SLC16A2: variants seen among roughly 807,000 people sequenced by gnomAD.
SLC16A2 encodes solute carrier family 16 member 2, also known as monocarboxylate transporter 8.
In SLC16A2, 3 loss-of-function variants were observed where a neutral mutation model predicts 27.2. The ratio of observed to expected loss-of-function variants is 0.11; its 90% CI spans 0.05 to 0.28. SLC16A2 has a LOEUF of 0.28. Ranked by LOEUF, SLC16A2 falls within the 10% of genes least tolerant of loss-of-function variation. The pLI, the probability that SLC16A2 is intolerant of heterozygous loss-of-function variation, is 1.00. For synonymous variants in SLC16A2, 202 were observed against 187.8 expected, an observed-to-expected ratio of 1.08 and a Z score of -0.62; for missense variants, 295 against 458.5, an observed-to-expected ratio of 0.64 and a Z score of 3.26.
chrX:74,518,722 A>G (rs1930357504), intron 1 of SLC16A2, among the ~76,000 whole-genome samples: 1 of 112,291 alleles, frequency 8.9e-6, no homozygotes, highest in Non-Finnish European at 1.9e-5. Context: ...TACTATTCAT[A>G]TCATAAATGT....
chrX:74,424,134 G>A (rs1928362819), intron 1 of SLC16A2, among the ~76,000 whole-genome samples: 1 of 109,956 alleles, frequency 9.1e-6, no homozygotes, highest in African/African-American at 3.3e-5. Context: ...ATGCAGAGGT[G>A]TGGCTAGTGC....
intron 1 of SLC16A2, among the ~76,000 whole-genome samples, chrX:74,508,036 G>C (rs1402910210): frequency 1.8e-5 from 2 of 111,766 alleles, no homozygotes; most frequent in East Asian, 5.6e-4. Flanking sequence ...GGGTCATATA[G>C]TAGTTCTATT....
intron 1 of SLC16A2, among the ~76,000 whole-genome samples, chrX:74,510,483 A>G (rs1214005027): frequency 8.9e-6 from 1 of 112,642 alleles, no homozygotes; most frequent in Admixed American, 9.3e-5. Flanking sequence ...CAGTGGCCAT[A>G]GGCCATTAAG....
intron 1 of SLC16A2, among the ~76,000 whole-genome samples, chrX:74,480,829 CAG>C (rs1391758266): frequency 8.9e-6 from 1 of 112,110 alleles, no homozygotes; most frequent in Non-Finnish European, 1.9e-5. Flanking sequence ...ACAGGGGAAG[CAG>C]TCTTTCAGCA....
At chrX:74,481,681 T>C (rs1237340423) in intron 1 of SLC16A2, among the ~76,000 whole-genome samples, 1 of 108,368 alleles carries the variant, frequency 9.2e-6, no homozygotes, top group Non-Finnish European at 1.9e-5. Context: ...ATTTTCTCCT[T>C]TGTTTTTTAC....
intron 1 of SLC16A2, among the ~76,000 whole-genome samples, chrX:74,470,718 G>T (rs187977911): frequency 9.0e-6 from 1 of 111,160 alleles, no homozygotes; most frequent in South Asian, 3.8e-4. Flanking sequence ...AGGCCGAGGC[G>T]GGCAGATCAG....
chrX:74,527,196 C>T (rs1930498008), intron 4 of SLC16A2, among the ~76,000 whole-genome samples: 1 of 112,373 alleles, frequency 8.9e-6, no homozygotes, highest in Admixed American at 9.4e-5. Flanking sequence ...GCTGACCACC[C>T]ACCCACTGCT....
At position 74,524,416 on chromosome X, in the gene SLC16A2, C is replaced by T. The variant is rs1288231777; in HGVS notation, c.633C>T (p.Phe211=). ...YGILFGCGCS[F]AFQPSLVILG... ...TTCTCTTTGGTTGTGGCTGTTCCTT[C>T]GCCTTTCAGCCATCCCTCGTCATCC... Residue 211 remains phenylalanine, a synonymous_variant, in exon 3 of 6, where the codon TTC becomes TTT. Coordinates refer to ENST00000587091, the MANE Select transcript of SLC16A2 (RefSeq NM_006517.5). 6 of 1,209,936 alleles carry T rather than the reference C, an allele frequency of 5.0e-6. No homozygotes were observed. Among genetic ancestry groups the T allele is most frequent in the Non-Finnish European group, 6.7e-6 (6 of 895,279 alleles).
intron 1 of SLC16A2, among the ~76,000 whole-genome samples, chrX:74,427,790 T>A (rs763909221): frequency 5.3e-5 from 5 of 94,315 alleles, no homozygotes; most frequent in Non-Finnish European, 1.0e-4. Flanking sequence ...CGCAAGCGCA[T>A]GCGCACGCGT....
chrX:74,521,240 C>CCTGTAGGCCCTGTAGG, intron 2 of SLC16A2, 106 bp downstream of exon 2: 1 of 936,449 alleles, frequency 1.1e-6, no homozygotes, highest in Non-Finnish European at 1.5e-6. Context: ...GTGGCCATGG[C>CCTGTAGGCCCTGTAGG]CCTGTAGGGC....
intron 1 of SLC16A2, among the ~76,000 whole-genome samples, chrX:74,450,602 G>T (rs1928921235): frequency 3.6e-5 from 4 of 111,859 alleles, no homozygotes; most frequent in Non-Finnish European, 7.5e-5. Flanking sequence ...CATGCTGATA[G>T]GGAAAAGAAT....
intron 1 of SLC16A2, among the ~76,000 whole-genome samples, chrX:74,430,422 TAA>T (rs1928515625): frequency 9.0e-6 from 1 of 111,538 alleles, no homozygotes; most frequent in Admixed American, 9.5e-5. Context: ...GACTCAAGGA[TAA>T]AAAGAGATGA....
At chrX:74,433,246 C>T (rs960537413) in intron 1 of SLC16A2, among the ~76,000 whole-genome samples, 3 of 110,333 alleles carry the variant, frequency 2.7e-5, no homozygotes, top group African/African-American at 6.6e-5. Context: ...GTGGTGTGCA[C>T]CTGTAATCCT....
At chrX:74,515,825 A>T (rs970711685) in intron 1 of SLC16A2, among the ~76,000 whole-genome samples, 4 of 112,100 alleles carry the variant, frequency 3.6e-5, no homozygotes, top group African/African-American at 9.7e-5. Context: ...ATCCTTCAGG[A>T]ATGAATGAGG....
chrX:74,512,305 A>C (rs748603441), intron 1 of SLC16A2, among the ~76,000 whole-genome samples: 28 of 112,550 alleles, frequency 2.5e-4, no homozygotes, highest in Admixed American at 1.6e-3. Context: ...TCATGGTGCC[A>C]TTCTCTCCAC....
At chrX:74,442,850 G>A (rs756670699) in intron 1 of SLC16A2, among the ~76,000 whole-genome samples, 8 of 111,611 alleles carry the variant, frequency 7.2e-5, no homozygotes, top group Non-Finnish European at 3.8e-5. Context: ...CCAGCTATTC[G>A]GGAGGCTGAG....
At chrX:74,451,520 A>G (rs1021930071) in intron 1 of SLC16A2, among the ~76,000 whole-genome samples, 1 of 112,500 alleles carries the variant, frequency 8.9e-6, no homozygotes, top group East Asian at 2.8e-4. Flanking sequence ...CCCTGTGGTT[A>G]CTTTCAATGT....
chrX:74,436,232 T>C (rs1928630764), intron 1 of SLC16A2, among the ~76,000 whole-genome samples: 1 of 111,396 alleles, frequency 9.0e-6, no homozygotes, highest in Non-Finnish European at 1.9e-5. Flanking sequence ...TGCGTGCAAG[T>C]GAGCAAGAAT....
chrX:74,443,641 G>A (rs745556151), intron 1 of SLC16A2, among the ~76,000 whole-genome samples: 1 of 112,238 alleles, frequency 8.9e-6, no homozygotes, highest in East Asian at 2.8e-4. Context: ...CGCCTCCTGA[G>A]AAAAACAGGA....
Sources: gnomAD v4.1 joint callset for allele counts (sites outside exome capture counted in the v4.1 genomes callset) on GRCh38, gnomAD v4.1.1 for gene constraint, MANE v1.5 for transcripts, NCBI Gene and HGNC (gene_info 2026-07-23, HGNC 2026-07-21) for gene names.